Variants in OBP2B observed in about 807,000 individuals in gnomAD.
OBP2B encodes odorant-binding protein 2b.
A neutral mutation model predicts 21.7 loss-of-function variants in OBP2B; 10 were observed. That is an observed-to-expected ratio of 0.46 (90% CI 0.28 to 0.78). OBP2B has a LOEUF of 0.78. Ranked by LOEUF, OBP2B falls within the 30% of genes least tolerant of loss-of-function variation. OBP2B has a pLI of 0.11. For synonymous variants in OBP2B, 73 were observed against 91.5 expected (o/e 0.80, Z 1.16); for missense variants, 153 against 217.7 (o/e 0.70, Z 1.87).
chr9:133,206,146 A>G (rs1454003511), intron 5 of OBP2B, among the ~76,000 whole-genome samples, 169 bp downstream of exon 5: 2 of 151,906 alleles, frequency 1.3e-5, no homozygotes, highest in African/African-American at 4.8e-5. Flanking sequence ...CCCAGAGCAC[A>G]GAGCCTCCAA....
At chr9:133,207,389 A>G (rs1260679518) in intron 3 of OBP2B, 53 bp from the exon 4 acceptor site, 2 of 1,210,732 alleles carry the variant, frequency 1.7e-6, no homozygotes, top group African/African-American at 3.0e-5. Flanking sequence ...TCGGGGCCAC[A>G]TGAAGAAACA....
At chr9:133,208,255 T>C (rs782199609) in intron 2 of OBP2B, 52 bp from the exon 3 acceptor site, 5 of 1,609,386 alleles carry the variant, frequency 3.1e-6, no homozygotes, top group East Asian at 4.5e-5. Context: ...CCATGGCCCA[T>C]CCTCAGCTCA....
intron 3 of OBP2B, 138 bp from the exon 4 acceptor site, chr9:133,207,474 A>G (rs1833768458): frequency 3.2e-6 from 2 of 623,686 alleles, no homozygotes; most frequent in African/African-American, 1.8e-5. Flanking sequence ...CACAGTGTGG[A>G]CCCGGACACG....
At chr9:133,205,540 G>A (rs1415636878) in intron 6 of OBP2B, 129 bp from the exon 7 acceptor site, 32 of 655,006 alleles carry the variant, frequency 4.9e-5, no homozygotes, top group Non-Finnish European at 7.6e-5. Flanking sequence ...GCTCCAGAGC[G>A]ACCTCAGCTC....
upstream of OBP2B, among the ~76,000 whole-genome samples, chr9:133,212,543 A>C (rs1409937274): frequency 6.6e-6 from 1 of 152,266 alleles, no homozygotes; most frequent in African/African-American, 2.4e-5. Context: ...CTTTCTTCAG[A>C]GGCTTGGAAA....
the OBP2B span, among the ~76,000 whole-genome samples, chr9:133,218,280 G>C: frequency 6.6e-6 from 1 of 152,164 alleles, no homozygotes; most frequent in South Asian, 2.1e-4. Context: ...AATGATCCAG[G>C]GAGACCGGCC....
At chr9:133,206,178 C>A in intron 5 of OBP2B, 137 bp downstream of exon 5, 4 of 1,159,892 alleles carry the variant, frequency 3.4e-6, no homozygotes, top group Middle Eastern at 2.0e-4. Context: ...CTAAACAGGG[C>A]CCGGGAGCCC....
chr9:133,213,003 T>C (rs782124401), upstream of OBP2B, among the ~76,000 whole-genome samples: 20 of 151,820 alleles, frequency 1.3e-4, no homozygotes, highest in South Asian at 2.1e-3. Flanking sequence ...CGTGGGCAGA[T>C]CACTTGAGGT....
chr9:133,213,664 G>A (rs139860887), upstream of OBP2B, among the ~76,000 whole-genome samples: 1,220 of 152,284 alleles, frequency 8.0e-3, 13 homozygotes, highest in African/African-American at 0.021. Flanking sequence ...ATACTACGAA[G>A]AGACCTTCCC....
At chr9:133,213,657 C>G (rs1275824806), upstream of OBP2B, among the ~76,000 whole-genome samples, 1 of 152,198 alleles carries the variant, frequency 6.6e-6, no homozygotes, top group Admixed American at 6.5e-5. Flanking sequence ...TAAGGGAATA[C>G]TACGAAGAGA....
upstream of OBP2B, among the ~76,000 whole-genome samples, chr9:133,210,034 C>T (rs79726836): frequency 0.018 from 2,667 of 152,292 alleles, 35 homozygotes; most frequent in Middle Eastern, 0.034. Flanking sequence ...CGGCCCCCAG[C>T]CCCCAGGACA....
upstream of OBP2B, among the ~76,000 whole-genome samples, chr9:133,211,670 G>A (rs1229472803): frequency 6.6e-6 from 1 of 152,184 alleles, no homozygotes; most frequent in Non-Finnish European, 1.5e-5. Flanking sequence ...TCCTCAGAAG[G>A]ACTGAGTCCC....
chr9:133,206,337 G>A lies in OBP2B; in HGVS notation c.468C>T (p.Asp156=). ...CACCCGTCTGCAGGGGCGTGAAAAT[G>A]TCCTCCTCCGAGAGTCCCTTGCGCT... ...LVQRKGLSEE[D]IFTPLQTGSC... is the part of the protein sequence containing the mutation. Residue 156 remains aspartate (D), a synonymous_variant, in exon 5 of 7, where the codon GAC becomes GAT. Transcript: ENST00000372034. 6.2e-7 allele frequency: 1 copy of A among 1,614,060 alleles called. No homozygotes were observed. Among genetic ancestry groups the A allele is most frequent in the Non-Finnish European group, 8.5e-7 (1 of 1,179,964 alleles).
upstream of OBP2B, among the ~76,000 whole-genome samples, chr9:133,210,078 C>T (rs1451494877): frequency 2.0e-5 from 3 of 152,158 alleles, no homozygotes; most frequent in Non-Finnish European, 2.9e-5. Flanking sequence ...ATAAACAAGT[C>T]GCATGAGGCA....
Position 133,207,318 on chromosome 9 carries a change from A to G in OBP2B, c.296T>C (p.Met99Thr). The part of the protein sequence containing the change: ...KYSAYGGRKL[M>T]YLQELPRRDH... ...CCTCCTGGGCAGCTCCTGCAGGTAC[A>G]TGAGCTTCCTGCCCCCATCTGTAGA... The change falls in exon 4 of 7, where the codon ATG becomes ACG. Residue 99 changes from methionine to threonine, a missense_variant. By Grantham distance (81) the Met-to-Thr change is moderately conservative. This residue lies in a region of OBP2B where 151 missense variants were observed against 186.3 expected (regional missense o/e 0.81). Coordinates refer to ENST00000372034, the MANE Select transcript of OBP2B (RefSeq NM_014581.4). The G allele has an allele frequency of 6.2e-7, 1 of 1,611,820 alleles. No individual in the cohort carries two copies. Among genetic ancestry groups the G allele is most frequent in the Non-Finnish European group, 8.5e-7 (1 of 1,178,012 alleles).
At chr9:133,214,791 G>A in the OBP2B span, among the ~76,000 whole-genome samples, 2 of 152,216 alleles carry the variant, frequency 1.3e-5, no homozygotes, top group African/African-American at 2.4e-5. Context: ...AAGTTTTTAA[G>A]CACATTTTGA....
chr9:133,207,536 A>C (rs1351687490), intron 3 of OBP2B, among the ~76,000 whole-genome samples, 200 bp from the exon 4 acceptor site: 1 of 152,166 alleles, frequency 6.6e-6, no homozygotes, highest in Non-Finnish European at 1.5e-5. Context: ...TGGAGCCACA[A>C]GGCCAGAGCA....
upstream of OBP2B, among the ~76,000 whole-genome samples, chr9:133,210,573 A>T (rs141331884): frequency 5.3e-4 from 80 of 152,108 alleles, no homozygotes; most frequent in African/African-American, 1.9e-3. Flanking sequence ...TGTTGACTGT[A>T]CCCCAGGCAC....
At chr9:133,214,810 T>C in the OBP2B span, among the ~76,000 whole-genome samples, 21 of 152,396 alleles carry the variant, frequency 1.4e-4, no homozygotes, top group Admixed American at 1.3e-3. Context: ...GAGGCTGGGA[T>C]ACTCAGTTAC....
Sources: gnomAD v4.1 joint callset for allele counts (sites outside exome capture counted in the v4.1 genomes callset) on GRCh38, gnomAD v4.1.1 for gene constraint, gnomAD v4.1.1 regional missense constraint, MANE v1.5 for transcripts, NCBI Gene and HGNC (gene_info 2026-07-23, HGNC 2026-07-21) for gene names.